The following RLIG1 variants were observed in gnomAD, a reference collection of about 807,000 sequenced individuals.
RLIG1 encodes the protein RNA 5'-phosphate and 3'-OH ligase 1, also known as RNA ligase 1.
chr12:88,037,049 A>G, the RLIG1 span, among the ~76,000 whole-genome samples: 1 of 152,106 alleles, frequency 6.6e-6, no homozygotes, highest in Non-Finnish European at 1.5e-5. Context: ...CACATTCTTA[A>G]TTATAATTCA....
At chr12:88,046,891 A>G in the RLIG1 span, 28 of 1,613,146 alleles carry the variant, frequency 1.7e-5, no homozygotes, top group Middle Eastern at 3.3e-4. Context: ...TTGAAGCACA[A>G]TGATCTCGTG....
At chr12:88,043,301 TG>T in the RLIG1 span, among the ~76,000 whole-genome samples, 1 of 152,122 alleles carries the variant, frequency 6.6e-6, no homozygotes, top group Non-Finnish European at 1.5e-5. Context: ...CATGTATTTA[TG>T]TTTATATTTG....
At chr12:88,045,722 G>C in the RLIG1 span, 1 of 1,613,214 alleles carries the variant, frequency 6.2e-7, no homozygotes, top group Non-Finnish European at 8.5e-7. Flanking sequence ...GCCACTTTCA[G>C]ATCTCTTAGA....
At chr12:88,036,323 C>CTAGTATATTTGGGTAACCTAG in the RLIG1 span, among the ~76,000 whole-genome samples, 1 of 152,086 alleles carries the variant, frequency 6.6e-6, no homozygotes, top group African/African-American at 2.4e-5. Flanking sequence ...AGTGAGTAAC[C>CTAGTATATTTGGGTAACCTAG]TATATTTGGG....
At chr12:88,035,970 A>G in the RLIG1 span, 4 of 1,522,444 alleles carry the variant, frequency 2.6e-6, no homozygotes, top group Non-Finnish European at 3.5e-6. Context: ...AATTTTCCTT[A>G]TCAGGAGATT....
chr12:88,046,916 T>G, the RLIG1 span: 1 of 1,612,928 alleles, frequency 6.2e-7, no homozygotes, highest in African/African-American at 1.3e-5. Context: ...GGTTTGAAGA[T>G]TGCAAAGAGG....
the RLIG1 span, chr12:88,048,216 C>T: frequency 3.4e-4 from 509 of 1,516,512 alleles, 1 homozygote; most frequent in African/African-American, 6.6e-3. Context: ...AAAGCTAATA[C>T]CTTTTTTCTC....
At chr12:88,046,705 T>C in the RLIG1 span, 1 of 1,100,768 alleles carries the variant, frequency 9.1e-7, no homozygotes, top group Non-Finnish European at 1.3e-6. Context: ...CTTTCTACCT[T>C]TATTCCTAAG....
chr12:88,037,362 T>A, the RLIG1 span, among the ~76,000 whole-genome samples: 1 of 150,686 alleles, frequency 6.6e-6, no homozygotes, highest in Non-Finnish European at 1.5e-5. Flanking sequence ...TCTAAAGCCT[T>A]TTATGACAGG....
chr12:88,048,989 C>T, the RLIG1 span: 3 of 374,414 alleles, frequency 8.0e-6, no homozygotes, highest in African/African-American at 6.3e-5. Flanking sequence ...ATGGCTGTAA[C>T]AAGTCTTCAA....
the RLIG1 span, chr12:88,045,731 G>C: frequency 6.2e-7 from 1 of 1,613,154 alleles, no homozygotes; most frequent in Non-Finnish European, 8.5e-7. Flanking sequence ...AGATCTCTTA[G>C]AACAAACACT....
chr12:88,037,675 A>T, the RLIG1 span, among the ~76,000 whole-genome samples: 1 of 152,350 alleles, frequency 6.6e-6, no homozygotes, highest in South Asian at 2.1e-4. Flanking sequence ...CTAGACGATT[A>T]TATTTTAAAA....
At chr12:88,045,488 CAT>C in the RLIG1 span, 2 of 891,808 alleles carry the variant, frequency 2.2e-6, no homozygotes, top group Non-Finnish European at 3.4e-6. Flanking sequence ...ACCCAGAAAA[CAT>C]GAGAAATTTA....
the RLIG1 span, among the ~76,000 whole-genome samples, chr12:88,036,409 C>T: frequency 6.6e-6 from 1 of 152,072 alleles, no homozygotes; most frequent in East Asian, 1.9e-4. Context: ...TGGGTGCTTC[C>T]CAACTTTGCT....
At chr12:88,049,175 A>G in the RLIG1 span, 2 of 1,513,204 alleles carry the variant, frequency 1.3e-6, no homozygotes, top group African/African-American at 1.4e-5. Context: ...CAAAGTTTAT[A>G]GGTGACCTTT....
At chr12:88,035,945 G>A in the RLIG1 span, 1 of 1,523,546 alleles carries the variant, frequency 6.6e-7, no homozygotes. Flanking sequence ...TTGTGAGGGA[G>A]GGAATTTGCG....
the RLIG1 span, chr12:88,048,229 T>C: frequency 4.7e-5 from 73 of 1,541,292 alleles, no homozygotes; most frequent in Non-Finnish European, 5.1e-5. Context: ...TTTTTCTCTT[T>C]CCAGGTCCAT....
At chr12:88,049,134 A>ACTT in the RLIG1 span, 6 of 1,109,576 alleles carry the variant, frequency 5.4e-6, no homozygotes, top group Non-Finnish European at 6.6e-6. Flanking sequence ...AGTATATTTA[A>ACTT]CTTATAAAGT....
chr12:88,048,191 T>C, the RLIG1 span: 2 of 1,403,984 alleles, frequency 1.4e-6, no homozygotes, highest in Non-Finnish European at 1.9e-6. Context: ...TGAATGAAGA[T>C]AGTATCTGTA....
Sources: allele counts gnomAD v4.1 joint callset (sites outside exome capture counted in the v4.1 genomes callset), GRCh38; gene constraint gnomAD v4.1.1; transcripts MANE v1.5; gene names NCBI Gene and HGNC (gene_info 2026-07-23, HGNC 2026-07-21).